The following EXT1 variants were observed in gnomAD, a reference collection of about 807,000 sequenced individuals.
EXT1 encodes exostosin-1.
A neutral mutation model predicts 82.5 loss-of-function variants in EXT1; 20 were observed. The observed-to-expected ratio is 0.24, with a 90% CI of 0.17 to 0.35. EXT1 has a LOEUF of 0.35. Among genes scored for constraint, EXT1 ranks in the 10% least tolerant of loss-of-function variants. The probability of loss-of-function intolerance (pLI) is 1.00; values close to 1 mark genes in which losing one functional copy is unlikely to be tolerated. For missense variants in EXT1, 757 were observed against 936.5 expected (o/e 0.81, Z 2.50); for synonymous variants, 348 against 350.8 (o/e 0.99, Z 0.09).
intron 10 of EXT1, among the ~76,000 whole-genome samples, chr8:117,803,197 C>T (rs1323309232): frequency 6.6e-6 from 1 of 151,688 alleles, no homozygotes; most frequent in Non-Finnish European, 1.5e-5. Context: ...TTTCTTTTTT[C>T]TTTTTCTTTT....
At chr8:118,094,002 C>G (rs551869615) in intron 1 of EXT1, among the ~76,000 whole-genome samples, 1 of 152,170 alleles carries the variant, frequency 6.6e-6, no homozygotes, top group Non-Finnish European at 1.5e-5. Context: ...TGCCCCTGCA[C>G]GGTGGAATCA....
At chr8:118,039,979 C>T (rs1049453737) in intron 1 of EXT1, among the ~76,000 whole-genome samples, 2 of 152,086 alleles carry the variant, frequency 1.3e-5, no homozygotes, top group Non-Finnish European at 2.9e-5. Flanking sequence ...GAAAGCGTAA[C>T]AACCCAAAAA....
At position 117,893,558 on chromosome 8, in the gene EXT1, C is replaced by T. The variant is rs539538300; in HGVS notation, c.963-56357G>A. Among the ~76,000 whole-genome samples the T allele has an allele frequency of 1.8e-4, 28 of 152,298 alleles. No individual in the cohort carries two copies. The East Asian group carries it at 5.2e-3, about 28-fold the overall frequency. Reference sequence around the variant, plus strand: ...AGGATCCAGGCTGACCTCCATAGGGCACAGTAACATCAATTCAAGATATTT... The same window carrying T: ...AGGATCCAGGCTGACCTCCATAGGGTACAGTAACATCAATTCAAGATATTT... On this transcript the variant is annotated intron_variant, in intron 1 of 10. Transcript: ENST00000378204.
At chr8:118,025,368 G>A (rs569399302) in intron 1 of EXT1, among the ~76,000 whole-genome samples, 1 of 152,232 alleles carries the variant, frequency 6.6e-6, no homozygotes, top group South Asian at 2.1e-4. Flanking sequence ...TCCAGCCAAA[G>A]AATGTTGGCT....
chr8:117,831,135 A>AGTATAACT (rs1177076050), intron 3 of EXT1, among the ~76,000 whole-genome samples: 2 of 152,244 alleles, frequency 1.3e-5, no homozygotes, highest in African/African-American at 4.8e-5. Context: ...TTTTAATGGT[A>AGTATAACT]GTATAACTGA....
intron 1 of EXT1, among the ~76,000 whole-genome samples, chr8:118,077,301 T>C (rs1390313363): frequency 6.6e-6 from 1 of 152,216 alleles, no homozygotes; most frequent in African/African-American, 2.4e-5. Context: ...TACTGAGGCA[T>C]ATGCAGCCAG....
chr8:117,923,756 A>G lies in EXT1; in HGVS notation c.963-86555T>C, dbSNP rs967476045. On this transcript the variant is annotated intron_variant, in intron 1 of 10. Coordinates refer to ENST00000378204, the MANE Select transcript of EXT1 (RefSeq NM_000127.3). The stretch of plus-strand genomic sequence containing the variant: ...AAAAAAAAAAGAAGCAACACGGAGT[A>G]TAAAGATGACCCAACTTTCCACTCA... Among the ~76,000 whole-genome samples the G allele has an allele frequency of 2.6e-5, 4 of 151,976 alleles. 1 individual carries two copies. The highest frequency in any genetic ancestry group is 2.6e-4 in the Admixed American group (4 of 15,254).
At chr8:117,824,816 T>C (rs1264794362) in intron 4 of EXT1, among the ~76,000 whole-genome samples, 1 of 152,178 alleles carries the variant, frequency 6.6e-6, no homozygotes, top group African/African-American at 2.4e-5. Context: ...AATAAAATTT[T>C]CCACATTTAG....
At chr8:118,089,085 G>C (rs1308230935) in intron 1 of EXT1, among the ~76,000 whole-genome samples, 1 of 151,972 alleles carries the variant, frequency 6.6e-6, no homozygotes, top group Non-Finnish European at 1.5e-5. Flanking sequence ...AAAATAAATT[G>C]TATGTTATTT....
intron 1 of EXT1, among the ~76,000 whole-genome samples, chr8:118,072,515 G>A (rs530528795): frequency 2.6e-5 from 4 of 152,180 alleles, no homozygotes; most frequent in African/African-American, 9.6e-5. Flanking sequence ...TGCTTCTCTC[G>A]TTTCTCCCTA....
chr8:118,074,100 G>A (rs1299947685), intron 1 of EXT1, among the ~76,000 whole-genome samples: 1 of 151,942 alleles, frequency 6.6e-6, no homozygotes, highest in Non-Finnish European at 1.5e-5. Flanking sequence ...GGGAGTGGGG[G>A]TGAGGGTGAG....
chr8:117,872,296 C>G (rs960103099), intron 1 of EXT1, among the ~76,000 whole-genome samples: 8 of 152,160 alleles, frequency 5.3e-5, no homozygotes, highest in African/African-American at 1.9e-4. Context: ...TTACTAACTG[C>G]TATTAATTTG....
At chr8:117,872,798 C>T (rs1812896656) in intron 1 of EXT1, among the ~76,000 whole-genome samples, 1 of 122,464 alleles carries the variant, frequency 8.2e-6, no homozygotes, top group Non-Finnish European at 1.7e-5. Context: ...TCTCCAAACA[C>T]ATATTAAAGC....
At chr8:118,004,058 T>C (rs1284628131) in intron 1 of EXT1, among the ~76,000 whole-genome samples, 2 of 152,186 alleles carry the variant, frequency 1.3e-5, no homozygotes, top group Non-Finnish European at 2.9e-5. Flanking sequence ...CTAGAAGTTC[T>C]TCAAAGAATA....
At chr8:118,070,189 T>C (rs1027851661) in intron 1 of EXT1, among the ~76,000 whole-genome samples, 2 of 151,954 alleles carry the variant, frequency 1.3e-5, no homozygotes, top group Non-Finnish European at 2.9e-5. Flanking sequence ...AACTTTTTTC[T>C]GATAGTCCCA....
chr8:117,991,449 C>T (rs1231001854), intron 1 of EXT1, among the ~76,000 whole-genome samples: 4 of 152,192 alleles, frequency 2.6e-5, no homozygotes, highest in Non-Finnish European at 5.9e-5. Flanking sequence ...ACTGGACCCT[C>T]TCCCCTGAAT....
chr8:117,940,097 CA>C (rs1375410670), intron 1 of EXT1, among the ~76,000 whole-genome samples: 13 of 152,328 alleles, frequency 8.5e-5, no homozygotes, highest in African/African-American at 3.1e-4. Context: ...TCATGGCATT[CA>C]ATAGCACAGG....
intron 1 of EXT1, among the ~76,000 whole-genome samples, chr8:117,856,662 G>T (rs1192577725): frequency 6.6e-6 from 1 of 152,066 alleles, no homozygotes; most frequent in South Asian, 2.1e-4. Flanking sequence ...CTTTAAAAAA[G>T]AAGCCATTTC....
intron 1 of EXT1, among the ~76,000 whole-genome samples, chr8:117,897,577 C>T (rs1020374725): frequency 2.8e-5 from 4 of 141,152 alleles, no homozygotes; most frequent in East Asian, 2.1e-4. Context: ...AGCCCATTGC[C>T]GGGCTTCTTT....
Sources: gnomAD v4.1 joint callset for allele counts (sites outside exome capture counted in the v4.1 genomes callset) on GRCh38, gnomAD v4.1.1 for gene constraint, MANE v1.5 for transcripts, NCBI Gene and HGNC (gene_info 2026-07-23, HGNC 2026-07-21) for gene names.